Variants in GRM5 observed in about 807,000 individuals in gnomAD.
GRM5 encodes metabotropic glutamate receptor 5.
In GRM5, 19 loss-of-function variants were observed where a neutral mutation model predicts 83.1. The observed-to-expected ratio is 0.23, with a 90% CI of 0.16 to 0.34. GRM5 has a LOEUF of 0.34. Among genes scored for constraint, GRM5 ranks in the 10% least tolerant of loss-of-function variants. GRM5 has a pLI of 1.00. For missense variants in GRM5, 1,160 were observed against 1,588.3 expected, an observed-to-expected ratio of 0.73 and a Z score of 4.58; for synonymous variants, 675 against 633.6, an observed-to-expected ratio of 1.07 and a Z score of -0.98.
At chr11:88,980,313 G>T (rs1167939895) in intron 2 of GRM5, among the ~76,000 whole-genome samples, 1 of 152,010 alleles carries the variant, frequency 6.6e-6, no homozygotes, top group Non-Finnish European at 1.5e-5. Context: ...ATTATATCTA[G>T]GCAATGTTTG....
chr11:88,743,753 A>G (rs912262465), intron 3 of GRM5, among the ~76,000 whole-genome samples: 12 of 152,188 alleles, frequency 7.9e-5, no homozygotes, highest in African/African-American at 2.9e-4. Flanking sequence ...GCATCGTATC[A>G]GAAACCTAAT....
chr11:88,639,126 G>GT (rs2135283349), intron 4 of GRM5, among the ~76,000 whole-genome samples: 1 of 152,072 alleles, frequency 6.6e-6, no homozygotes, highest in East Asian at 1.9e-4. Flanking sequence ...ATTGTTTGAG[G>GT]TATCTGAACT....
chr11:88,644,563 T>G (rs1337184529), intron 4 of GRM5, among the ~76,000 whole-genome samples: 1 of 152,204 alleles, frequency 6.6e-6, no homozygotes, highest in African/African-American at 2.4e-5. Context: ...TTCTATTGAC[T>G]GTAGTTACTT....
At chr11:88,773,543 TG>T (rs1942784028) in intron 3 of GRM5, among the ~76,000 whole-genome samples, 1 of 152,342 alleles carries the variant, frequency 6.6e-6, no homozygotes, top group African/African-American at 2.4e-5. Context: ...ATGTCCTGAA[TG>T]GTAATGCCTA....
chr11:89,007,994 CT>C (rs1196237574), intron 2 of GRM5, among the ~76,000 whole-genome samples: 1 of 152,174 alleles, frequency 6.6e-6, no homozygotes, highest in Non-Finnish European at 1.5e-5. Flanking sequence ...CTGGATAATA[CT>C]TAAAATTTGA....
At chr11:88,750,302 A>G (rs1942241145) in intron 3 of GRM5, among the ~76,000 whole-genome samples, 1 of 152,202 alleles carries the variant, frequency 6.6e-6, no homozygotes, top group Non-Finnish European at 1.5e-5. Context: ...AGATTCTGAC[A>G]AAACAGATTT....
At chr11:89,003,904 A>G (rs563447148) in intron 2 of GRM5, among the ~76,000 whole-genome samples, 3 of 152,298 alleles carry the variant, frequency 2.0e-5, no homozygotes, top group African/African-American at 7.2e-5. Context: ...CCAGTCAAGT[A>G]TGGTGGCAGG....
intron 2 of GRM5, among the ~76,000 whole-genome samples, chr11:89,039,842 C>T (rs1941487003): frequency 1.3e-5 from 2 of 152,184 alleles, no homozygotes; most frequent in African/African-American, 4.8e-5. Context: ...TGCCCTGTCA[C>T]CCAGGCTGAG....
chr11:88,812,871 A>G (rs1314171610), intron 3 of GRM5, among the ~76,000 whole-genome samples: 2 of 152,128 alleles, frequency 1.3e-5, no homozygotes, highest in African/African-American at 4.8e-5. Flanking sequence ...AATGTTTTGA[A>G]CATAGTTTTC....
intron 3 of GRM5, among the ~76,000 whole-genome samples, chr11:88,693,494 GA>G (rs929331625): frequency 7.9e-5 from 12 of 151,860 alleles, no homozygotes; most frequent in African/African-American, 1.7e-4. Flanking sequence ...AAAGATGGAG[GA>G]AAAAAAGTAT....
At chr11:88,791,600 G>C (rs1943174165) in intron 3 of GRM5, among the ~76,000 whole-genome samples, 1 of 151,962 alleles carries the variant, frequency 6.6e-6, no homozygotes, top group Non-Finnish European at 1.5e-5. Context: ...AGCCCTTTTT[G>C]TTTCTATTAT....
chr11:88,836,250 T>A (rs11021533), intron 3 of GRM5, among the ~76,000 whole-genome samples: 19,905 of 152,188 alleles, frequency 0.13, 2,836 homozygotes, highest in African/African-American at 0.36. Context: ...TCAATTCTGC[T>A]ATTATAGCCC....
intron 4 of GRM5, among the ~76,000 whole-genome samples, chr11:88,630,396 G>A (rs1338461060): frequency 6.6e-6 from 1 of 152,058 alleles, no homozygotes; most frequent in Non-Finnish European, 1.5e-5. Context: ...GACTCTTCTA[G>A]TTTTAATCTT....
chr11:88,588,873 A>C (rs1937596332), intron 7 of GRM5, among the ~76,000 whole-genome samples: 1 of 152,192 alleles, frequency 6.6e-6, no homozygotes, highest in African/African-American at 2.4e-5. Context: ...ACCAGGATAT[A>C]GGCAACAAGT....
intron 3 of GRM5, among the ~76,000 whole-genome samples, chr11:88,837,798 ACGT>A (rs1944118078): frequency 6.6e-6 from 1 of 152,170 alleles, no homozygotes; most frequent in Admixed American, 6.5e-5. Context: ...GACATAAGTT[ACGT>A]CGGCCGGGCG....
rs1327520617 is a variant in GRM5, at chr11:88,994,445, T to TTTTATA, written c.661+52766_661+52767insTATAAA. ...TATTATTATTTATCACTTTAACTGA[T>TTTTATA]TATATATATATATATATATATATAT... is the stretch of plus-strand genomic sequence containing the variant. On this transcript the variant is annotated intron_variant, in intron 2 of 9. Coordinates refer to ENST00000305447, the MANE Select transcript of GRM5 (RefSeq NM_001143831.3). Among the ~76,000 whole-genome samples the TTTTATA allele has an allele frequency of 4.4e-3, 379 of 86,864 alleles. No homozygotes were observed. In the East Asian group the frequency reaches 0.058, roughly 13 times the overall value. The allele number at this position is 86,864 out of a possible 152,430, so 57.0% of individuals were successfully genotyped here.
At chr11:88,806,875 CTTCAT>C (rs1943507964) in intron 3 of GRM5, among the ~76,000 whole-genome samples, 1 of 152,156 alleles carries the variant, frequency 6.6e-6, no homozygotes, top group Non-Finnish European at 1.5e-5. Flanking sequence ...CTCTCCACAT[CTTCAT>C]TTCTTTACCC....
chr11:88,816,859 C>T (rs935258926), intron 3 of GRM5, among the ~76,000 whole-genome samples: 1 of 149,748 alleles, frequency 6.7e-6, no homozygotes, highest in East Asian at 2.0e-4. Flanking sequence ...ACAGTGTAAA[C>T]AATTTTATGC....
chr11:88,921,071 C>T (rs1206272473), intron 2 of GRM5, among the ~76,000 whole-genome samples: 3 of 43,864 alleles, frequency 6.8e-5, no homozygotes, highest in African/African-American at 1.8e-4. Flanking sequence ...CTTAAAAGAC[C>T]ACTGCGTTTT....
Sources: allele counts gnomAD v4.1 joint callset (sites outside exome capture counted in the v4.1 genomes callset), GRCh38; gene constraint gnomAD v4.1.1; transcripts MANE v1.5; gene names NCBI Gene and HGNC (gene_info 2026-07-23, HGNC 2026-07-21).